LYST: variants seen among roughly 807,000 people sequenced by gnomAD.
LYST encodes the protein lysosomal-trafficking regulator.
In LYST, 192 loss-of-function variants were observed where a neutral mutation model predicts 413.6. The ratio of observed to expected loss-of-function variants is 0.46; its 90% CI spans 0.41 to 0.52. LYST has a LOEUF of 0.52. Ranked by LOEUF, LYST falls within the 20% of genes least tolerant of loss-of-function variation. LYST has a pLI of 0.00. For synonymous variants in LYST, 1,525 were observed against 1,567.3 expected (o/e 0.97, Z 0.64); for missense variants, 3,815 against 4,499.9 (o/e 0.85, Z 4.35).
chr1:235,759,102 G>C lies in LYST; in HGVS notation c.6751C>G (p.Pro2251Ala). ...ACAGCTGCAGATCCGTTCTGTGAAGGAAAAGCTAGCCCAAGGCTTGCAATA... is the reference window on the plus strand; with the variant it reads ...ACAGCTGCAGATCCGTTCTGTGAAGCAAAAGCTAGCCCAAGGCTTGCAATA... ...STIASLGLAF[P>A]SQNGSAAVGR... The change falls in exon 23 of 53, where the codon CCT becomes GCT. Residue 2251 changes from proline (P) to alanine (A), a missense_variant. Physicochemically the swap from Pro to Ala is conservative, Grantham distance 27. Coordinates refer to ENST00000389793, the MANE Select transcript of LYST (RefSeq NM_000081.4). 6.2e-7 allele frequency: 1 copy of C among 1,614,206 alleles called. No individual in the cohort carries two copies. The highest frequency in any genetic ancestry group is 2.2e-5 in the East Asian group (1 of 44,886).
chr1:235,795,591 A>G (rs1040357527), intron 10 of LYST, among the ~76,000 whole-genome samples: 6 of 152,172 alleles, frequency 3.9e-5, no homozygotes, highest in Admixed American at 2.0e-4. Context: ...TGGTCCCCCA[A>G]AGCAAAGCTC....
At position 235,720,876 on chromosome 1, in the gene LYST, G is replaced by C; in HGVS notation, c.9345C>G (p.Leu3115=). Residue 3115 remains leucine, a synonymous_variant, in exon 40 of 53, where the codon CTC becomes CTG. Coordinates refer to ENST00000389793, the MANE Select transcript of LYST (RefSeq NM_000081.4). ...CCAGAAGATTAGGGAGGTTATTTGT[G>C]AGTATATTGTGGTATACATCATCAC... ...KVRDDVYHNI[L]TNNLPNLLEY... 6.2e-7 allele frequency: 1 copy of C among 1,613,564 alleles called. No homozygotes were observed. Among genetic ancestry groups the C allele is most frequent in the African/African-American group, 1.3e-5 (1 of 74,994 alleles).
At position 235,876,119 on chromosome 1, in the gene LYST, G is replaced by A. The variant is rs556986034; in HGVS notation, n.454+7068C>T. ...CTCCTATAGTCCCAGCTACTCAGGA[G>A]GCTGAGGTGAGAGGATCACTTGAAC... On this transcript the variant is annotated intron_variant and non_coding_transcript_variant, in intron 1 of 11. Transcript: ENST00000465349. 2.0e-5 allele frequency among the ~76,000 whole-genome samples: 3 copies of A among 152,212 alleles called. No individual in the cohort carries two copies. The East Asian group carries it at 5.8e-4, about 29-fold the overall frequency.
chr1:235,818,340 A>G (rs972010037), intron 3 of LYST, among the ~76,000 whole-genome samples: 1 of 152,252 alleles, frequency 6.6e-6, no homozygotes, highest in Middle Eastern at 3.4e-3. Flanking sequence ...TTTCCCAAAC[A>G]TACTTCTCAG....
chr1:235,670,142 C>G (rs889479589), intron 50 of LYST, among the ~76,000 whole-genome samples: 2 of 152,124 alleles, frequency 1.3e-5, no homozygotes, highest in African/African-American at 4.8e-5. Flanking sequence ...AACTACCTTT[C>G]CCACCTTAGC....
At chr1:235,710,418 T>G (rs1198146748) in intron 43 of LYST, among the ~76,000 whole-genome samples, 1 of 152,078 alleles carries the variant, frequency 6.6e-6, no homozygotes, top group Non-Finnish European at 1.5e-5. Context: ...ATGAGGCATC[T>G]GGGAATGGGC....
At chr1:235,784,081 T>C (rs1307215129) in intron 14 of LYST, among the ~76,000 whole-genome samples, 4 of 152,098 alleles carry the variant, frequency 2.6e-5, no homozygotes, top group African/African-American at 9.7e-5. Flanking sequence ...GGATTTTCCA[T>C]GTTGCCCAGG....
intron 15 of LYST, 86 bp from the exon 16 acceptor site, chr1:235,781,141 T>C: frequency 1.2e-6 from 1 of 847,218 alleles, no homozygotes; most frequent in Non-Finnish European, 2.0e-6. Flanking sequence ...AATTATTTTT[T>C]GTAGCCAGAT....
chr1:235,815,990 C>T (rs1024183148), intron 3 of LYST, among the ~76,000 whole-genome samples: 3 of 150,798 alleles, frequency 2.0e-5, no homozygotes, highest in Non-Finnish European at 3.0e-5. Flanking sequence ...ATTAGCTGGG[C>T]GTGGGGGTGC....
chr1:235,728,265 T>C (rs1664069869), intron 37 of LYST, 134 bp from the exon 38 acceptor site: 1 of 682,634 alleles, frequency 1.5e-6, no homozygotes, highest in Admixed American at 2.1e-5. Context: ...TGGCACTCAA[T>C]AAATATTTTT....
chr1:235,800,822 T>A, intron 9 of LYST, 49 bp downstream of exon 9: 1 of 1,246,530 alleles, frequency 8.0e-7, no homozygotes, highest in Non-Finnish European at 1.2e-6. Flanking sequence ...TGTTATTGGG[T>A]GATGAGTCTG....
chr1:235,851,144 G>T (rs1678477551), intron 1 of LYST, among the ~76,000 whole-genome samples: 2 of 151,848 alleles, frequency 1.3e-5, no homozygotes, highest in South Asian at 4.2e-4. Flanking sequence ...ATCAACAAGT[G>T]AATAAAGAAA....
At chr1:235,764,121 C>A (rs1216509276) in intron 21 of LYST, among the ~76,000 whole-genome samples, 1 of 152,170 alleles carries the variant, frequency 6.6e-6, no homozygotes, top group Admixed American at 6.5e-5. Flanking sequence ...ACCTGGAAGG[C>A]CCTTTTCTCT....
chr1:235,741,388 G>A (rs1156870079), intron 31 of LYST, 34 bp downstream of exon 31: 9 of 1,512,936 alleles, frequency 5.9e-6, no homozygotes, highest in South Asian at 4.5e-5. Flanking sequence ...TTCACCAAAC[G>A]TTTTACTTCT....
intron 12 of LYST, among the ~76,000 whole-genome samples, chr1:235,789,274 A>AT (rs992478610): frequency 1.3e-4 from 20 of 152,178 alleles, no homozygotes; most frequent in Admixed American, 5.2e-4. Flanking sequence ...TTTAAAAAAA[A>AT]ATATCATATT....
chr1:235,870,781 T>C (rs568708175), upstream of LYST, among the ~76,000 whole-genome samples: 3 of 152,364 alleles, frequency 2.0e-5, no homozygotes, highest in African/African-American at 7.2e-5. Context: ...GCCTGGCACT[T>C]AGTAGGCACT....
chr1:235,853,848 C>T (rs1002134593), intron 1 of LYST, among the ~76,000 whole-genome samples: 6 of 152,130 alleles, frequency 3.9e-5, no homozygotes, highest in African/African-American at 1.4e-4. Context: ...TTAAGCCTTT[C>T]AACAGGTAGT....
chr1:235,837,060 C>A (rs1227476856), intron 1 of LYST, among the ~76,000 whole-genome samples: 1 of 152,142 alleles, frequency 6.6e-6, no homozygotes, highest in Non-Finnish European at 1.5e-5. Context: ...TAATTTCTGC[C>A]ACACAATATA....
chr1:235,759,570 G>A lies in LYST; in HGVS notation c.6283C>T (p.Gln2095Ter). Residue 2095 changes from glutamine (Q) to a stop codon, truncating the protein, a stop_gained, in exon 23 of 53, where the codon CAG (glutamine) becomes TAG (stop). Transcript: ENST00000389793. LOFTEE classifies it high-confidence loss of function. ...GAACGCAGCATATGGGCGGCCATCTGTTGTGGAATAATATTAGAGGAATTC... is the reference window on the plus strand; with the variant it reads ...GAACGCAGCATATGGGCGGCCATCTATTGTGGAATAATATTAGAGGAATTC... Reference protein sequence around the residue: ...GENSSNIIPQQMAAHMLRSRS... With the variant: ...GENSSNIIPQ 1 of 1,613,426 alleles carries A rather than the reference G, an allele frequency of 6.2e-7. No homozygotes were observed. Among genetic ancestry groups the A allele is most frequent in the Non-Finnish European group, 8.5e-7 (1 of 1,179,460 alleles).
Sources: gnomAD v4.1 joint callset for allele counts (sites outside exome capture counted in the v4.1 genomes callset) on GRCh38, gnomAD v4.1.1 for gene constraint, MANE v1.5 for transcripts, NCBI Gene and HGNC (gene_info 2026-07-23, HGNC 2026-07-21) for gene names.